ST8SIA1: variants seen among roughly 807,000 people sequenced by gnomAD.
ST8SIA1 encodes the protein ST8 alpha-N-acetyl-neuraminide alpha-2,8-sialyltransferase 1.
In ST8SIA1, 16 loss-of-function variants were observed where a neutral mutation model predicts 35.9. That is an observed-to-expected ratio of 0.45 (90% CI 0.30 to 0.68). The LOEUF (loss-of-function observed/expected upper bound fraction) is 0.68. Ranked by LOEUF, ST8SIA1 falls within the 30% of genes least tolerant of loss-of-function variation. The pLI, the probability that ST8SIA1 is intolerant of heterozygous loss-of-function variation, is 0.09. For synonymous variants in ST8SIA1, 170 were observed against 169.6 expected (o/e 1.00, Z -0.02); for missense variants, 383 against 453.6 (o/e 0.84, Z 1.41).
At chr12:22,313,296 T>C (rs192217283) in intron 1 of ST8SIA1, among the ~76,000 whole-genome samples, 101 of 152,302 alleles carry the variant, frequency 6.6e-4, no homozygotes, top group Admixed American at 1.8e-3. Flanking sequence ...AGTAGTATTA[T>C]TTAAGTTCAT....
chr12:22,318,534 G>A (rs1353822035), intron 1 of ST8SIA1, among the ~76,000 whole-genome samples: 1 of 151,916 alleles, frequency 6.6e-6, no homozygotes, highest in Non-Finnish European at 1.5e-5. Context: ...GCAGAAAAAG[G>A]AAAAAAAGAG....
At position 22,207,681 on chromosome 12, in the gene ST8SIA1, A is replaced by G. The variant is rs549643076; in HGVS notation, c.585-5643T>C. Among the ~76,000 whole-genome samples, 107 of 152,296 alleles carry G rather than the reference A, an allele frequency of 7.0e-4. 1 individual carries two copies. Among genetic ancestry groups the G allele is most frequent in the Non-Finnish European group, 1.3e-3 (86 of 68,012 alleles). On this transcript the variant is annotated intron_variant, in intron 4 of 4. Coordinates refer to ENST00000396037, the MANE Select transcript of ST8SIA1 (RefSeq NM_003034.4). ...AAAGATAAAACAATTTATATTGACC[A>G]AGTTCACAAGACTACCAAAATAATA...
intron 2 of ST8SIA1, among the ~76,000 whole-genome samples, chr12:22,282,321 G>A (rs969852211): frequency 2.6e-5 from 4 of 152,152 alleles, no homozygotes; most frequent in African/African-American, 7.2e-5. Context: ...GCCACACAGA[G>A]TCGCTGTAAG....
chr12:22,293,852 C>T (rs1866210791), intron 1 of ST8SIA1, among the ~76,000 whole-genome samples: 1 of 152,118 alleles, frequency 6.6e-6, no homozygotes, highest in South Asian at 2.1e-4. Context: ...AAAAGTTAAG[C>T]ATCTAACAAA....
chr12:22,323,282 C>A (rs1866627367), intron 1 of ST8SIA1, among the ~76,000 whole-genome samples: 1 of 152,198 alleles, frequency 6.6e-6, no homozygotes. Context: ...CATAGTATAT[C>A]TATTTATGCA....
intron 2 of ST8SIA1, among the ~76,000 whole-genome samples, chr12:22,257,361 G>A (rs1360329115): frequency 6.8e-6 from 1 of 148,010 alleles, no homozygotes. Context: ...ACAGGTACAC[G>A]TTACCATGCC....
intron 4 of ST8SIA1, among the ~76,000 whole-genome samples, chr12:22,230,179 T>A (rs192677912): frequency 6.6e-6 from 1 of 152,302 alleles, no homozygotes; most frequent in Admixed American, 6.5e-5. Flanking sequence ...GGTTATGAAA[T>A]CTTTGCCTTC....
At chr12:22,275,059 G>A (rs2135808810) in intron 2 of ST8SIA1, among the ~76,000 whole-genome samples, 1 of 152,292 alleles carries the variant, frequency 6.6e-6, no homozygotes, top group Non-Finnish European at 1.5e-5. Context: ...ACACTGCCAG[G>A]TGGTTGAGAC....
chr12:22,292,732 T>C (rs1041730036), intron 1 of ST8SIA1, among the ~76,000 whole-genome samples: 2 of 151,972 alleles, frequency 1.3e-5, no homozygotes, highest in South Asian at 2.1e-4. Flanking sequence ...ACAATACACA[T>C]TGGGGAGCAC....
chr12:22,204,993 T>A (rs574735952), intron 4 of ST8SIA1, among the ~76,000 whole-genome samples: 1 of 152,300 alleles, frequency 6.6e-6, no homozygotes, highest in African/African-American at 2.4e-5. Context: ...GCTCCAGCCA[T>A]CCCTGTGTGT....
chr12:22,323,822 A>C (rs1357057396), intron 1 of ST8SIA1, among the ~76,000 whole-genome samples: 1 of 152,152 alleles, frequency 6.6e-6, no homozygotes, highest in Non-Finnish European at 1.5e-5. Flanking sequence ...ACATGGACAC[A>C]TTGTGGGGAA....
At chr12:22,307,256 G>C (rs1460782933) in intron 1 of ST8SIA1, among the ~76,000 whole-genome samples, 1 of 152,144 alleles carries the variant, frequency 6.6e-6, no homozygotes, top group African/African-American at 2.4e-5. Context: ...GGCTTCATCA[G>C]AGGTTGATCC....
intron 4 of ST8SIA1, among the ~76,000 whole-genome samples, chr12:22,226,469 G>A (rs569066211): frequency 1.3e-5 from 2 of 151,402 alleles, no homozygotes; most frequent in South Asian, 4.2e-4. Context: ...ACCCAGTCCT[G>A]TTTCAGCTCT....
chr12:22,263,947 T>C (rs1254432245), intron 2 of ST8SIA1, among the ~76,000 whole-genome samples: 1 of 152,178 alleles, frequency 6.6e-6, no homozygotes, highest in Non-Finnish European at 1.5e-5. Flanking sequence ...TCAAAACATA[T>C]GTTTGCCCTT....
chr12:22,206,669 C>CA (rs1865113816), intron 4 of ST8SIA1, among the ~76,000 whole-genome samples: 1 of 152,174 alleles, frequency 6.6e-6, no homozygotes, highest in Non-Finnish European at 1.5e-5. Context: ...CAAGAGAAAG[C>CA]AACGTTGCCA....
intron 2 of ST8SIA1, among the ~76,000 whole-genome samples, chr12:22,282,941 T>G (rs754238605): frequency 1.3e-5 from 2 of 152,142 alleles, no homozygotes; most frequent in Non-Finnish European, 2.9e-5. Context: ...GCTGTGAAAC[T>G]CAGGGATATC....
At position 22,246,197 on chromosome 12, in the gene ST8SIA1, A is replaced by G. The variant is rs1460492194; in HGVS notation, c.584+2809T>C. Among the ~76,000 whole-genome samples, 3 of 152,186 alleles carry G rather than the reference A, an allele frequency of 2.0e-5. No homozygotes were observed. In the South Asian group the frequency reaches 6.2e-4, roughly 32 times the overall value. On this transcript the variant is annotated intron_variant, in intron 4 of 4. Transcript: ENST00000396037. Reference sequence around the variant, plus strand: ...GGTAGTCTTGTGGGACTGAGCCCTCAATCTGTGGGATCTGACACTATCTGT... The same window carrying G: ...GGTAGTCTTGTGGGACTGAGCCCTCGATCTGTGGGATCTGACACTATCTGT...
intron 1 of ST8SIA1, among the ~76,000 whole-genome samples, chr12:22,320,046 C>T (rs2135839523): frequency 6.6e-6 from 1 of 152,234 alleles, no homozygotes; most frequent in South Asian, 2.1e-4. Flanking sequence ...CTCAGTTGAG[C>T]ATTTCCATAT....
intron 4 of ST8SIA1, among the ~76,000 whole-genome samples, chr12:22,211,343 G>T (rs916606257): frequency 1.3e-5 from 2 of 152,212 alleles, no homozygotes; most frequent in African/African-American, 4.8e-5. Flanking sequence ...CCTCCCTGGA[G>T]ACTGGGGGGT....
Sources: allele counts gnomAD v4.1 joint callset (sites outside exome capture counted in the v4.1 genomes callset), GRCh38; gene constraint gnomAD v4.1.1; transcripts MANE v1.5; gene names NCBI Gene and HGNC (gene_info 2026-07-23, HGNC 2026-07-21).